Variants in CFAP299 observed in about 807,000 individuals in gnomAD.
The protein encoded by CFAP299 is cilia- and flagella-associated protein 299.
In CFAP299, 21 loss-of-function variants were observed where a neutral mutation model predicts 27.0. The ratio of observed to expected loss-of-function variants is 0.78; its 90% CI spans 0.55 to 1.12. The LOEUF is 1.12. Among genes scored for constraint, CFAP299 ranks in the 50% most tolerant of loss-of-function variants. The pLI is 0.00. For missense variants in CFAP299, 310 were observed against 276.6 expected, an observed-to-expected ratio of 1.12 and a Z score of -0.86; for synonymous variants, 104 against 98.1, an observed-to-expected ratio of 1.06 and a Z score of -0.36.
chr4:80,793,263 C>G (rs1449409043), intron 3 of CFAP299, among the ~76,000 whole-genome samples: 1 of 152,016 alleles, frequency 6.6e-6, no homozygotes, highest in Non-Finnish European at 1.5e-5. Context: ...GGGCAGGAAG[C>G]ATCCAGGATG....
In CFAP299 at chr4:80,561,490, G is replaced by A. The variant is rs1182223204; in HGVS notation, c.243-21603G>A. ...CTAAATAAGGTATTGGACAAAACCT[G>A]GAGAAAATGTGTGACCTTTCAGACA... is the stretch of plus-strand genomic sequence containing the variant. On this transcript the variant is annotated intron_variant, in intron 2 of 5. Coordinates refer to ENST00000358105, the MANE Select transcript of CFAP299 (RefSeq NM_152770.3). Among the ~76,000 whole-genome samples the A allele has an allele frequency of 2.0e-5, 3 of 152,040 alleles. No individual in the cohort carries two copies. The East Asian group carries it at 5.8e-4, about 29-fold the overall frequency.
intron 3 of CFAP299, among the ~76,000 whole-genome samples, chr4:80,779,741 T>C (rs1345426158): frequency 6.6e-6 from 1 of 151,996 alleles, no homozygotes; most frequent in Non-Finnish European, 1.5e-5. Flanking sequence ...ATCTGCACTT[T>C]ACCACCCCCC....
intron 3 of CFAP299, among the ~76,000 whole-genome samples, chr4:80,823,110 G>C (rs1729796233): frequency 6.6e-6 from 1 of 152,092 alleles, no homozygotes; most frequent in African/African-American, 2.4e-5. Flanking sequence ...ATTCCACCTG[G>C]ACCTACTTAG....
chr4:80,722,187 G>A (rs1026790810), intron 3 of CFAP299, among the ~76,000 whole-genome samples: 10 of 152,148 alleles, frequency 6.6e-5, no homozygotes, highest in African/African-American at 2.4e-4. Context: ...GGAGGCTGAG[G>A]TGGGCGGATC....
At chr4:80,947,938 G>T (rs892144506) in intron 5 of CFAP299, among the ~76,000 whole-genome samples, 2 of 152,002 alleles carry the variant, frequency 1.3e-5, no homozygotes, top group African/African-American at 2.4e-5. Flanking sequence ...AATACATATT[G>T]ATAGAAATTA....
intron 5 of CFAP299, among the ~76,000 whole-genome samples, chr4:80,961,865 C>G (rs998441429): frequency 6.6e-6 from 1 of 151,896 alleles, no homozygotes; most frequent in Admixed American, 6.6e-5. Flanking sequence ...GGGAATAAAT[C>G]TCTCTAATCC....
chr4:80,409,485 A>G (rs1014188367), intron 2 of CFAP299, among the ~76,000 whole-genome samples: 2 of 152,220 alleles, frequency 1.3e-5, no homozygotes, highest in Non-Finnish European at 2.9e-5. Context: ...GTTTGCTCAT[A>G]AAACACTCCT....
intron 2 of CFAP299, among the ~76,000 whole-genome samples, chr4:80,408,608 A>C (rs1370913517): frequency 6.6e-6 from 1 of 151,928 alleles, no homozygotes; most frequent in African/African-American, 2.4e-5. Context: ...GACAGTCAGA[A>C]TGTGAAATTA....
intron 2 of CFAP299, among the ~76,000 whole-genome samples, chr4:80,526,751 A>G (rs1202956684): frequency 1.3e-5 from 2 of 152,176 alleles, no homozygotes; most frequent in African/African-American, 4.8e-5. Flanking sequence ...ACCTATATGC[A>G]TAGCAGAACA....
Position 80,646,009 on chromosome 4 carries a change from G to GT in CFAP299, c.333+62832dup, listed in dbSNP as rs1192920462. On this transcript the variant is annotated intron_variant, in intron 3 of 5. Coordinates refer to ENST00000358105, the MANE Select transcript of CFAP299 (RefSeq NM_152770.3). ...ATTTAGCATAATCTTGAAATATGTG[G>GT]TTTTTTCCACTGTTAGTTCTTAAGA... Among the ~76,000 whole-genome samples, 5 of 152,260 alleles carry GT rather than the reference G, an allele frequency of 3.3e-5. No homozygotes were observed. In the South Asian group the frequency reaches 6.2e-4, roughly 19 times the overall value.
intron 3 of CFAP299, among the ~76,000 whole-genome samples, chr4:80,659,795 T>C (rs1740745298): frequency 6.6e-6 from 1 of 152,134 alleles, no homozygotes; most frequent in Non-Finnish European, 1.5e-5. Context: ...TACTTTGTAT[T>C]TCTGCATGAA....
At chr4:80,542,234 A>G (rs1734030587) in intron 2 of CFAP299, among the ~76,000 whole-genome samples, 1 of 151,960 alleles carries the variant, frequency 6.6e-6, no homozygotes, top group East Asian at 1.9e-4. Flanking sequence ...AGGTTTTTGG[A>G]TTTGGACTGA....
chr4:80,915,733 T>A (rs1362961279), intron 4 of CFAP299, among the ~76,000 whole-genome samples: 5 of 152,074 alleles, frequency 3.3e-5, no homozygotes, highest in East Asian at 1.9e-4. Context: ...GTTCACTGAT[T>A]TTTTTCCTTG....
chr4:80,591,120 T>A (rs13127700), intron 3 of CFAP299, among the ~76,000 whole-genome samples: 6,269 of 133,072 alleles, frequency 0.047, 411 homozygotes, highest in African/African-American at 0.17. Flanking sequence ...TTTTTTTTTT[T>A]TTTTTTTTTT....
At chr4:80,328,829 G>A in the CFAP299 span, among the ~76,000 whole-genome samples, 1 of 152,102 alleles carries the variant, frequency 6.6e-6, no homozygotes, top group Non-Finnish European at 1.5e-5. Flanking sequence ...GAAGCTAGAT[G>A]TGCCCTCAGA....
chr4:80,834,012 T>C (rs892327029), intron 3 of CFAP299, among the ~76,000 whole-genome samples: 3 of 152,180 alleles, frequency 2.0e-5, no homozygotes, highest in Admixed American at 2.0e-4. Context: ...AGTAAAAAGG[T>C]GAAGTTCCTT....
chr4:80,847,538 T>C (rs1162008409), intron 3 of CFAP299, among the ~76,000 whole-genome samples: 1 of 152,218 alleles, frequency 6.6e-6, no homozygotes, highest in Non-Finnish European at 1.5e-5. Flanking sequence ...TGCCATCTAT[T>C]AGTTCCTGTG....
intron 3 of CFAP299, among the ~76,000 whole-genome samples, chr4:80,736,133 G>A (rs1317774912): frequency 6.6e-6 from 1 of 152,100 alleles, no homozygotes; most frequent in Non-Finnish European, 1.5e-5. Context: ...TGCTTTTGGT[G>A]TTTTAGACAT....
chr4:80,667,984 G>A (rs986548782), intron 3 of CFAP299, among the ~76,000 whole-genome samples: 5 of 151,634 alleles, frequency 3.3e-5, no homozygotes, highest in African/African-American at 9.7e-5. Context: ...GTCAGCATTC[G>A]TTGTTCCTGT....
Sources: gnomAD v4.1 joint callset for allele counts (sites outside exome capture counted in the v4.1 genomes callset) on GRCh38, gnomAD v4.1.1 for gene constraint, MANE v1.5 for transcripts, NCBI Gene and HGNC (gene_info 2026-07-23, HGNC 2026-07-21) for gene names.